Variants in GULP1 observed in about 807,000 individuals in gnomAD.
GULP1 encodes the protein PTB domain-containing engulfment adapter protein 1.
GULP1 carries 19 observed loss-of-function variants against 40.9 expected under a neutral mutation model. That is an observed-to-expected ratio of 0.46 (90% CI 0.32 to 0.68). GULP1 has a LOEUF of 0.68. Ranked by LOEUF, GULP1 falls within the 30% of genes least tolerant of loss-of-function variation. The probability of loss-of-function intolerance (pLI) is 0.03; values close to 1 mark genes in which losing one functional copy is unlikely to be tolerated. For missense variants in GULP1, 312 were observed against 362.2 expected, an observed-to-expected ratio of 0.86 and a Z score of 1.12; for synonymous variants, 119 against 117.6, an observed-to-expected ratio of 1.01 and a Z score of -0.08.
At chr2:188,569,941 G>C (rs961383152) in intron 8 of GULP1, 87 bp from the exon 9 acceptor site, 1 of 581,226 alleles carries the variant, frequency 1.7e-6, no homozygotes, top group African/African-American at 2.0e-5. Flanking sequence ...AAAGTTTTAC[G>C]TAATATAAAT....
chr2:188,447,951 A>G (rs1422696105), intron 2 of GULP1, among the ~76,000 whole-genome samples: 1 of 152,226 alleles, frequency 6.6e-6, no homozygotes, highest in Non-Finnish European at 1.5e-5. Context: ...ATAAAGTATC[A>G]GTAATTGATA....
intron 2 of GULP1, among the ~76,000 whole-genome samples, chr2:188,422,197 C>T (rs1333305926): frequency 1.3e-5 from 2 of 149,924 alleles, no homozygotes; most frequent in African/African-American, 2.5e-5. Context: ...ATTTCTTCAG[C>T]TCAAAATTCT....
intron 1 of GULP1, among the ~76,000 whole-genome samples, chr2:188,350,721 A>T (rs571432691): frequency 1.2e-4 from 19 of 152,208 alleles, no homozygotes; most frequent in South Asian, 8.3e-4. Flanking sequence ...AATTGTAACA[A>T]ATTTTTGAAA....
At chr2:188,340,851 T>TC (rs1487381500) in intron 1 of GULP1, among the ~76,000 whole-genome samples, 2 of 152,004 alleles carry the variant, frequency 1.3e-5, no homozygotes, top group African/African-American at 2.4e-5. Flanking sequence ...AAAGTATTCT[T>TC]CCCGTGAAGA....
At chr2:188,529,312 C>G in intron 6 of GULP1, 117 bp downstream of exon 6, 1 of 534,578 alleles carries the variant, frequency 1.9e-6, no homozygotes, top group South Asian at 3.1e-5. Flanking sequence ...GAGTTAATGA[C>G]AGTTCGAAAC....
At position 188,477,733 on chromosome 2, in the gene GULP1, A is replaced by C; in HGVS notation, c.28+3A>C. On this transcript the variant is annotated splice_donor_region_variant and intron_variant, in intron 3 of 11. Transcript: ENST00000409830. ...CCGTGCTTTTAGCAGGAAGAAAGGT[A>C]AGTGTGGTCATTTTTTAAAACTTGG... is the stretch of plus-strand genomic sequence containing the variant. 1 of 1,596,738 alleles carries C rather than the reference A, an allele frequency of 6.3e-7. No individual in the cohort carries two copies. Among genetic ancestry groups the C allele is most frequent in the Non-Finnish European group, 8.5e-7 (1 of 1,171,530 alleles).
At chr2:188,418,797 C>G (rs987124236) in intron 2 of GULP1, among the ~76,000 whole-genome samples, 1 of 152,086 alleles carries the variant, frequency 6.6e-6, no homozygotes, top group Non-Finnish European at 1.5e-5. Flanking sequence ...TTGACTATAG[C>G]TACAATGTTG....
intron 4 of GULP1, among the ~76,000 whole-genome samples, chr2:188,499,560 G>A: frequency 6.6e-6 from 1 of 151,568 alleles, no homozygotes; most frequent in East Asian, 1.9e-4. Flanking sequence ...ACATTCCAGG[G>A]AAGTAGTCAG....
chr2:188,419,351 C>T (rs967089513), intron 2 of GULP1, among the ~76,000 whole-genome samples: 1 of 152,116 alleles, frequency 6.6e-6, no homozygotes, highest in Admixed American at 6.5e-5. Flanking sequence ...TCTCCATACC[C>T]TGGTCAATAC....
chr2:188,537,054 G>A (rs562955446), intron 6 of GULP1, among the ~76,000 whole-genome samples: 2 of 152,036 alleles, frequency 1.3e-5, no homozygotes, highest in African/African-American at 4.8e-5. Flanking sequence ...CTTTACTGAA[G>A]TTGTTTACTA....
At chr2:188,559,707 G>A (rs1012149623) in intron 7 of GULP1, among the ~76,000 whole-genome samples, 3 of 152,154 alleles carry the variant, frequency 2.0e-5, no homozygotes, top group Admixed American at 1.3e-4. Flanking sequence ...GTGAGGACAT[G>A]AGATTTGGAG....
intron 2 of GULP1, among the ~76,000 whole-genome samples, chr2:188,432,466 T>G (rs1400613124): frequency 6.6e-6 from 1 of 151,964 alleles, no homozygotes; most frequent in Non-Finnish European, 1.5e-5. Flanking sequence ...ATATATGGTT[T>G]TTAAATTGTT....
chr2:188,526,488 A>G (rs1402237330), intron 5 of GULP1, among the ~76,000 whole-genome samples: 1 of 152,180 alleles, frequency 6.6e-6, no homozygotes, highest in Non-Finnish European at 1.5e-5. Context: ...TGATCAACAT[A>G]TCTTCCTAAG....
intron 2 of GULP1, among the ~76,000 whole-genome samples, chr2:188,396,665 C>G (rs1254272178): frequency 1.3e-5 from 2 of 152,204 alleles, no homozygotes; most frequent in African/African-American, 2.4e-5. Flanking sequence ...CGTCCAGCTC[C>G]TGTATTCATG....
intron 4 of GULP1, among the ~76,000 whole-genome samples, chr2:188,507,258 T>C (rs1275066083): frequency 6.6e-6 from 1 of 151,948 alleles, no homozygotes; most frequent in African/African-American, 2.4e-5. Flanking sequence ...GCAGTAACTC[T>C]GAGAGTCTCT....
chr2:188,334,468 A>G (rs7566619), intron 1 of GULP1, among the ~76,000 whole-genome samples: 74,347 of 151,926 alleles, frequency 0.49, 18,672 homozygotes, highest in East Asian at 0.72. Context: ...TCTATAGCAG[A>G]TAAATTTGAT....
chr2:188,310,592 G>A (rs1332722659), intron 1 of GULP1, among the ~76,000 whole-genome samples: 1 of 152,148 alleles, frequency 6.6e-6, no homozygotes, highest in Non-Finnish European at 1.5e-5. Context: ...TGAGTTTGAG[G>A]TGTTTTGGGG....
chr2:188,507,474 T>C (rs2064043634), intron 4 of GULP1, among the ~76,000 whole-genome samples: 1 of 150,062 alleles, frequency 6.7e-6, no homozygotes, highest in African/African-American at 2.4e-5. Flanking sequence ...AAATTTGTAC[T>C]AGGTTAGCCC....
intron 7 of GULP1, among the ~76,000 whole-genome samples, chr2:188,556,938 G>A (rs867528239): frequency 6.6e-6 from 1 of 151,892 alleles, no homozygotes; most frequent in South Asian, 2.1e-4. Flanking sequence ...GCAGGAGAAT[G>A]GTGTGAACCT....
Sources: gnomAD v4.1 joint callset for allele counts (sites outside exome capture counted in the v4.1 genomes callset) on GRCh38, gnomAD v4.1.1 for gene constraint, MANE v1.5 for transcripts, NCBI Gene and HGNC (gene_info 2026-07-23, HGNC 2026-07-21) for gene names.